The following RCAN1 variants were observed in gnomAD, a reference collection of about 807,000 sequenced individuals.
RCAN1 encodes regulator of calcineurin 1, also known as calcipressin-1.
RCAN1 carries 11 observed loss-of-function variants against 22.9 expected under a neutral mutation model. The observed-to-expected ratio is 0.48, with a 90% CI of 0.30 to 0.79. The LOEUF is 0.79. Ranked by LOEUF, RCAN1 falls within the 30% of genes least tolerant of loss-of-function variation. RCAN1 has a pLI of 0.06. For synonymous variants in RCAN1, 136 were observed against 142.3 expected, an observed-to-expected ratio of 0.96 and a Z score of 0.32; for missense variants, 291 against 337.8, an observed-to-expected ratio of 0.86 and a Z score of 1.09.
rs555628360 is a variant in RCAN1, at chr21:34,575,410, C to T, written c.252+39350G>A. ...CGTATGCCAAGCACTATGGCTGAGA[C>T]GGTCTTATTCTCAAGGCGAGCCCAC... On this transcript the variant is annotated intron_variant, in intron 1 of 3. Coordinates refer to ENST00000313806, the MANE Select transcript of RCAN1 (RefSeq NM_004414.7). Among the ~76,000 whole-genome samples, 8 of 152,334 alleles carry T rather than the reference C, an allele frequency of 5.3e-5. No individual in the cohort carries two copies. In the South Asian group the frequency reaches 8.3e-4, roughly 16 times the overall value.
At chr21:34,586,515 C>G (rs1230203798) in intron 1 of RCAN1, among the ~76,000 whole-genome samples, 1 of 151,940 alleles carries the variant, frequency 6.6e-6, no homozygotes, top group Non-Finnish European at 1.5e-5. Context: ...TATGACATAT[C>G]AAAACTTGTA....
intron 1 of RCAN1, among the ~76,000 whole-genome samples, chr21:34,577,589 A>G (rs1200311234): frequency 3.3e-5 from 5 of 152,128 alleles, no homozygotes; most frequent in Admixed American, 6.5e-5. Context: ...ACAGAGCCAG[A>G]CCCTGTCTCA....
intron 1 of RCAN1, among the ~76,000 whole-genome samples, chr21:34,566,177 A>T (rs1987000266): frequency 6.6e-6 from 1 of 152,198 alleles, no homozygotes; most frequent in Non-Finnish European, 1.5e-5. Flanking sequence ...ACCATGTGGC[A>T]TGTGGCTGGG....
chr21:34,613,466 C>T (rs372162832), intron 1 of RCAN1, among the ~76,000 whole-genome samples: 7 of 152,334 alleles, frequency 4.6e-5, no homozygotes, highest in East Asian at 3.9e-4. Context: ...GGCAAACTTT[C>T]ATACAACACA....
intron 1 of RCAN1, among the ~76,000 whole-genome samples, chr21:34,543,318 A>G (rs1985999327): frequency 6.6e-6 from 1 of 152,202 alleles, no homozygotes; most frequent in Admixed American, 6.5e-5. Flanking sequence ...TGTCTTTATA[A>G]GCAGGATATG....
chr21:34,576,719 T>C (rs1214831569), intron 1 of RCAN1, among the ~76,000 whole-genome samples: 4 of 152,216 alleles, frequency 2.6e-5, no homozygotes, highest in Non-Finnish European at 4.4e-5. Flanking sequence ...ACTGAGACTC[T>C]AATCACCGCT....
intron 1 of RCAN1, among the ~76,000 whole-genome samples, chr21:34,556,895 A>G (rs2834537): frequency 0.24 from 36,767 of 152,114 alleles, 5,188 homozygotes; most frequent in African/African-American, 0.39. Flanking sequence ...TGATGAAAAT[A>G]TGGGGACACA....
chr21:34,533,466 A>G (rs1051388059), intron 1 of RCAN1, among the ~76,000 whole-genome samples: 2 of 152,236 alleles, frequency 1.3e-5, no homozygotes, highest in Non-Finnish European at 1.5e-5. Context: ...TTTAAACAAA[A>G]CAAACCTTCA....
intron 1 of RCAN1, among the ~76,000 whole-genome samples, chr21:34,528,930 C>T (rs921873474): frequency 6.7e-6 from 1 of 149,170 alleles, no homozygotes; most frequent in Admixed American, 6.7e-5. Context: ...CCCGAATATA[C>T]AATTTTGATT....
At chr21:34,536,307 CT>C in intron 1 of RCAN1, among the ~76,000 whole-genome samples, 1 of 152,314 alleles carries the variant, frequency 6.6e-6, no homozygotes, top group Middle Eastern at 3.4e-3. Flanking sequence ...CCAGAGCCAC[CT>C]TGCTTTAATT....
intron 1 of RCAN1, among the ~76,000 whole-genome samples, chr21:34,596,214 T>C (rs905492919): frequency 2.0e-5 from 3 of 152,200 alleles, no homozygotes; most frequent in Non-Finnish European, 4.4e-5. Flanking sequence ...GAAGCTCAAG[T>C]GCCCGGCCTT....
chr21:34,540,523 A>G (rs1985865939), intron 1 of RCAN1, among the ~76,000 whole-genome samples: 1 of 152,134 alleles, frequency 6.6e-6, no homozygotes, highest in Non-Finnish European at 1.5e-5. Flanking sequence ...AGTTCTTAGT[A>G]TTTACCACAC....
chr21:34,550,986 A>G (rs1175399802), intron 1 of RCAN1, among the ~76,000 whole-genome samples: 1 of 152,244 alleles, frequency 6.6e-6, no homozygotes, highest in Non-Finnish European at 1.5e-5. Context: ...TCATTCACAT[A>G]TGCACAACTC....
At chr21:34,583,876 T>C (rs1460625934) in intron 1 of RCAN1, among the ~76,000 whole-genome samples, 1 of 152,052 alleles carries the variant, frequency 6.6e-6, no homozygotes, top group African/African-American at 2.4e-5. Context: ...CTGAAAAAAC[T>C]ACACCCTCCT....
In RCAN1 at chr21:34,615,064, G is replaced by A; in HGVS notation, c.-53C>T. The A allele has an allele frequency of 2.0e-6, 2 of 1,014,878 alleles. No individual in the cohort carries two copies. The highest frequency in any genetic ancestry group is 5.8e-5 in the Admixed American group (1 of 17,250). The allele number at this position is 1,014,878 out of a possible 1,614,324, so 62.9% of individuals were successfully genotyped here. A position where few individuals can be genotyped will look rare whatever the true frequency, so the allele number is the denominator to read the frequency against. On this transcript the variant is annotated 5_prime_UTR_variant, in exon 1 of 4. Coordinates refer to ENST00000313806, the MANE Select transcript of RCAN1 (RefSeq NM_004414.7). ...CCAGCGGGCTGCTCCGGGCTTGCGC[G>A]CCGGAGCCTCACGCGCTCCGGTCCG...
chr21:34,561,546 C>A (rs1251373486), intron 1 of RCAN1, among the ~76,000 whole-genome samples: 2 of 152,102 alleles, frequency 1.3e-5, no homozygotes, highest in African/African-American at 4.8e-5. Flanking sequence ...ATAGTGAAAT[C>A]TTTCTCCAAG....
rs1456125549 is a variant in RCAN1, at chr21:34,517,121, G to A, written c.*963C>T. The A allele has an allele frequency of 6.6e-6, 1 of 152,240 alleles. No individual in the cohort carries two copies. The highest frequency in any genetic ancestry group is 1.5e-5 in the Non-Finnish European group (1 of 68,038). The allele number at this position is 152,240 out of a possible 1,614,324, so 9.4% of individuals were successfully genotyped here. On this transcript the variant is annotated 3_prime_UTR_variant, in exon 4 of 4. Coordinates refer to ENST00000313806, the MANE Select transcript of RCAN1 (RefSeq NM_004414.7). Reference sequence around the variant, plus strand: ...TCAGCTTTATTTACAAGTGTATCTTGATGTCTTCGTGGGGTAAAAGAACCA... The same window carrying A: ...TCAGCTTTATTTACAAGTGTATCTTAATGTCTTCGTGGGGTAAAAGAACCA...
intron 1 of RCAN1, among the ~76,000 whole-genome samples, chr21:34,578,723 C>A (rs966422769): frequency 6.6e-6 from 1 of 152,146 alleles, no homozygotes; most frequent in Non-Finnish European, 1.5e-5. Flanking sequence ...GACACCCGCC[C>A]TGACAAGAGT....
chr21:34,528,543 A>G (rs1985200844), intron 1 of RCAN1, among the ~76,000 whole-genome samples: 1 of 152,342 alleles, frequency 6.6e-6, no homozygotes, highest in African/African-American at 2.4e-5. Context: ...GCAGTCCTGC[A>G]TTTTCAGTAC....
Sources: allele counts gnomAD v4.1 joint callset (sites outside exome capture counted in the v4.1 genomes callset), GRCh38; gene constraint gnomAD v4.1.1; transcripts MANE v1.5; gene names NCBI Gene and HGNC (gene_info 2026-07-23, HGNC 2026-07-21).